The following SLC26A4 variants were observed in gnomAD, a reference collection of about 807,000 sequenced individuals.
The protein encoded by SLC26A4 is pendrin.
SLC26A4 carries 93 observed loss-of-function variants against 90.4 expected under a neutral mutation model. The ratio of observed to expected loss-of-function variants is 1.03; its 90% CI spans 0.87 to 1.22. The LOEUF is 1.22. Ranked by LOEUF, SLC26A4 falls within the 50% of genes most tolerant of loss-of-function variation. The pLI, the probability that SLC26A4 is intolerant of heterozygous loss-of-function variation, is 0.00. For missense variants in SLC26A4, 1,127 were observed against 946.2 expected, an observed-to-expected ratio of 1.19 and a Z score of -2.51; for synonymous variants, 393 against 354.6, an observed-to-expected ratio of 1.11 and a Z score of -1.22.
intron 3 of SLC26A4, among the ~76,000 whole-genome samples, chr7:107,668,270 GA>G (rs555819769): frequency 2.4e-4 from 37 of 152,298 alleles, no homozygotes; most frequent in African/African-American, 8.7e-4. Flanking sequence ...AAATTCCATG[GA>G]ATCTGTGTGG....
chr7:107,684,798 TA>T (rs1379477732), intron 8 of SLC26A4, among the ~76,000 whole-genome samples: 1 of 152,182 alleles, frequency 6.6e-6, no homozygotes, highest in Admixed American at 6.5e-5. Context: ...ATCTAACAAC[TA>T]GATAATTTCA....
chr7:107,698,229 G>A (rs923804402), intron 14 of SLC26A4, 118 bp downstream of exon 14: 1 of 739,614 alleles, frequency 1.4e-6, no homozygotes, highest in African/African-American at 1.7e-5. Context: ...AAGTCTGTTA[G>A]TCCACAGGGA....
intron 8 of SLC26A4, among the ~76,000 whole-genome samples, chr7:107,687,363 T>C (rs1010759627): frequency 2.0e-5 from 3 of 152,178 alleles, no homozygotes; most frequent in African/African-American, 7.2e-5. Flanking sequence ...TTGGGGCAAA[T>C]AATTGGCACA....
At chr7:107,693,909 C>T (rs1249859166) in intron 10 of SLC26A4, among the ~76,000 whole-genome samples, 5 of 152,160 alleles carry the variant, frequency 3.3e-5, no homozygotes. Context: ...TTTAATGAGA[C>T]CATGTGCTAC....
rs911196948 is a variant in SLC26A4, at chr7:107,715,526, A to G, written c.*80A>G. On this transcript the variant is annotated 3_prime_UTR_variant, in exon 21 of 21. Coordinates refer to ENST00000644269, the MANE Select transcript of SLC26A4 (RefSeq NM_000441.2). ...TGCATTGACTATTTCTTCAGACTCA[A>G]AACACTCATTCTTTTTTCTATTAAG... 7.6e-5 allele frequency: 77 copies of G among 1,011,756 alleles called. 1 individual carries two copies. The highest frequency in any genetic ancestry group is 1.2e-4 in the Non-Finnish European group (74 of 629,352). The allele number at this position is 1,011,756 out of a possible 1,614,324, so 62.7% of individuals were successfully genotyped here. A position where few individuals can be genotyped will look rare whatever the true frequency, so the allele number is the denominator to read the frequency against.
chr7:107,691,988 T>C lies in SLC26A4; in HGVS notation c.1263+1751T>C, dbSNP rs1052828509. On this transcript the variant is annotated intron_variant, in intron 10 of 20. Transcript: ENST00000644269. ...GACAAGCTCTCCAGAGCACATGGTC[T>C]TCAGCGGGTGCAGGCAAATCTCAAA... 6 of 1,288,852 alleles carry C rather than the reference T, an allele frequency of 4.7e-6. No homozygotes were observed. In the Admixed American group the frequency reaches 6.9e-5, roughly 15 times the overall value. 79.8% of individuals were successfully genotyped at this position (1,288,852 alleles called of 1,614,324 possible).
intron 18 of SLC26A4, among the ~76,000 whole-genome samples, chr7:107,708,117 A>G (rs996542002): frequency 5.3e-5 from 8 of 152,234 alleles, no homozygotes; most frequent in African/African-American, 1.9e-4. Flanking sequence ...GTTCCAACAC[A>G]TAGGCCCACA....
At position 107,672,226 on chromosome 7, in the gene SLC26A4, A is replaced by G; in HGVS notation, c.393A>G (p.Gly131=). 6.3e-7 allele frequency: 1 copy of G among 1,599,280 alleles called. No homozygotes were observed. The highest frequency in any genetic ancestry group is 8.6e-7 in the Non-Finnish European group (1 of 1,166,752). The change falls in exon 4 of 21, where the codon GGA becomes GGG. Residue 131 remains glycine (G), a synonymous_variant. Transcript: ENST00000644269. The part of the protein sequence containing the change: ...FFPILTYFIF[G]TSRHISVGPF... ...CTATCCTGACATACTTTATCTTTGGAACATCAAGACATATCTCAGTTGGTA... is the reference window on the plus strand; with the variant it reads ...CTATCCTGACATACTTTATCTTTGGGACATCAAGACATATCTCAGTTGGTA...
Position 107,672,145 on chromosome 7 carries a change from A to G in SLC26A4, c.312A>G (p.Ala104=). ...TGLVATLQGM[A]YALLAAVPVG... is the part of the protein sequence containing the mutation. Reference sequence around the variant, plus strand: ...CTTTGCATGTGCTTTCAGGGATGGCATATGCCCTACTAGCTGCAGTTCCTG... The same window carrying G: ...CTTTGCATGTGCTTTCAGGGATGGCGTATGCCCTACTAGCTGCAGTTCCTG... The change falls in exon 4 of 21, where the codon GCA becomes GCG. Residue 104 remains alanine (A), a synonymous_variant. Coordinates refer to ENST00000644269, the MANE Select transcript of SLC26A4 (RefSeq NM_000441.2). The G allele has an allele frequency of 2.5e-6, 4 of 1,606,042 alleles. No homozygotes were observed. The highest frequency in any genetic ancestry group is 1.7e-6 in the Non-Finnish European group (2 of 1,172,718).
At position 107,716,178 on chromosome 7, in the gene SLC26A4, A is replaced by G. The variant is rs1396434237; in HGVS notation, c.*732A>G. 1 of 152,200 alleles carries G rather than the reference A, an allele frequency of 6.6e-6. No homozygotes were observed. Among genetic ancestry groups the G allele is most frequent in the Non-Finnish European group, 1.5e-5 (1 of 68,048 alleles). The allele number at this position is 152,200 out of a possible 1,614,324, so 9.4% of individuals were successfully genotyped here. A position where few individuals can be genotyped will look rare whatever the true frequency, so the allele number is the denominator to read the frequency against. ...AATAATCATGATCACAACTGAGATC[A>G]AAAAAATATATGACAGATTATTTTG... is the stretch of plus-strand genomic sequence containing the variant. On this transcript the variant is annotated 3_prime_UTR_variant, in exon 21 of 21. Coordinates refer to ENST00000644269, the MANE Select transcript of SLC26A4 (RefSeq NM_000441.2).
At chr7:107,671,689 G>A (rs569617287) in intron 3 of SLC26A4, among the ~76,000 whole-genome samples, 35 of 152,306 alleles carry the variant, frequency 2.3e-4, no homozygotes, top group African/African-American at 7.9e-4. Flanking sequence ...TAAATTGAGA[G>A]TATCTGTGTA....
intron 6 of SLC26A4, among the ~76,000 whole-genome samples, chr7:107,677,046 A>C (rs1432908878): frequency 6.6e-6 from 1 of 152,086 alleles, no homozygotes; most frequent in Non-Finnish European, 1.5e-5. Flanking sequence ...GCATTGTGGC[A>C]CGCACCTGTA....
chr7:107,699,683 C>G (rs1393204664), intron 14 of SLC26A4, among the ~76,000 whole-genome samples: 1 of 152,116 alleles, frequency 6.6e-6, no homozygotes, highest in Non-Finnish European at 1.5e-5. Context: ...AATCCCAGCA[C>G]TTTGGGAGGC....
chr7:107,703,400 T>C (rs946640906), intron 17 of SLC26A4, among the ~76,000 whole-genome samples: 4 of 152,202 alleles, frequency 2.6e-5, no homozygotes, highest in African/African-American at 7.2e-5. Flanking sequence ...ATGTGGGTAC[T>C]AGGTAGGTAG....
At chr7:107,671,649 A>G (rs568525672) in intron 3 of SLC26A4, among the ~76,000 whole-genome samples, 1 of 152,340 alleles carries the variant, frequency 6.6e-6, no homozygotes, top group South Asian at 2.1e-4. Context: ...TAAGGAGACC[A>G]ACTCAGGACA....
chr7:107,707,406 A>C (rs1002001356), intron 18 of SLC26A4, among the ~76,000 whole-genome samples: 1 of 152,178 alleles, frequency 6.6e-6, no homozygotes, highest in Non-Finnish European at 1.5e-5. Flanking sequence ...AGTTCTTTTC[A>C]TTCTTCCCAT....
Position 107,717,741 on chromosome 7 carries a change from T to G in SLC26A4, c.*2295T>G, listed in dbSNP as rs1345992510. 1 of 152,668 alleles carries G rather than the reference T, an allele frequency of 6.6e-6. No individual in the cohort carries two copies. Among genetic ancestry groups the G allele is most frequent in the Non-Finnish European group, 1.5e-5 (1 of 68,042 alleles). 9.5% of individuals were successfully genotyped at this position (152,668 alleles called of 1,614,324 possible). Reference sequence around the variant, plus strand: ...TCAAATCATGTACATTTGAAAATATTTGCACACATTTAAAAATAAATGTAA... The same window carrying G: ...TCAAATCATGTACATTTGAAAATATGTGCACACATTTAAAAATAAATGTAA... On this transcript the variant is annotated 3_prime_UTR_variant, in exon 21 of 21. Coordinates refer to ENST00000644269, the MANE Select transcript of SLC26A4 (RefSeq NM_000441.2).
Position 107,700,190 on chromosome 7 carries a change from C to A in SLC26A4, c.1707+15C>A, listed in dbSNP as rs774066262. ...TCAAGTCCACAGTAAGTATTTTATC[C>A]CTAGAAATTTGTTTTCTAACCTCTT... On this transcript the variant is annotated intron_variant, in intron 15 of 20. Transcript: ENST00000644269. The A allele has an allele frequency of 8.1e-5, 110 of 1,360,844 alleles. No homozygotes were observed. Among genetic ancestry groups the A allele is most frequent in the Non-Finnish European group, 1.1e-4 (106 of 949,438 alleles). The allele number at this position is 1,360,844 out of a possible 1,614,324, so 84.3% of individuals were successfully genotyped here.
chr7:107,680,145 TTATCTTATTA>T (rs1176629104), intron 6 of SLC26A4, among the ~76,000 whole-genome samples: 1 of 122,704 alleles, frequency 8.1e-6, no homozygotes, highest in African/African-American at 3.6e-5. Context: ...TAATATAATC[TTATCTTATTA>T]TATAATATAA....
Sources: gnomAD v4.1 joint callset for allele counts (sites outside exome capture counted in the v4.1 genomes callset) on GRCh38, gnomAD v4.1.1 for gene constraint, MANE v1.5 for transcripts, NCBI Gene and HGNC (gene_info 2026-07-23, HGNC 2026-07-21) for gene names.